ZNF207: variants seen among roughly 807,000 people sequenced by gnomAD.
The protein encoded by ZNF207 is BUB3-interacting and GLEBS motif-containing protein ZNF207.
ZNF207 carries 24 observed loss-of-function variants against 60.2 expected under a neutral mutation model. The observed-to-expected ratio is 0.40, with a 90% CI of 0.29 to 0.56. The LOEUF (loss-of-function observed/expected upper bound fraction) is 0.56, where lower values mean the gene tolerates loss of function less well. Among genes scored for constraint, ZNF207 ranks in the 20% least tolerant of loss-of-function variants. ZNF207 has a pLI of 0.49. For missense variants in ZNF207, 452 were observed against 636.6 expected, an observed-to-expected ratio of 0.71 and a Z score of 3.12; for synonymous variants, 236 against 194.7, an observed-to-expected ratio of 1.21 and a Z score of -1.77.
chr17:32,363,017 G>A (rs1904969017), intron 7 of ZNF207, 33 bp downstream of exon 7: 4 of 1,579,242 alleles, frequency 2.5e-6, no homozygotes, highest in African/African-American at 1.4e-5. Flanking sequence ...TTAATATGAT[G>A]TACAGGCTTT....
Position 32,380,784 on chromosome 17 carries a change from C to T in ZNF207, c.*11025C>T, listed in dbSNP as rs1905850405. On this transcript the variant is annotated 3_prime_UTR_variant, in exon 12 of 12. Transcript: ENST00000394670. The stretch of plus-strand genomic sequence containing the variant: ...CCAGCCTGGCCAACATAGTGAAACC[C>T]CGTCTCTACTAAAAATACAAAAATC... 6.6e-6 allele frequency: 1 copy of T among 152,072 alleles called. No homozygotes were observed. The highest frequency in any genetic ancestry group is 2.1e-4 in the South Asian group (1 of 4,828). 9.4% of individuals were successfully genotyped at this position (152,072 alleles called of 1,614,324 possible). A position where few individuals can be genotyped will look rare whatever the true frequency, so the allele number is the denominator to read the frequency against.
chr17:32,367,897 T>G lies in ZNF207; in HGVS notation c.1047T>G (p.Thr349=). 1.2e-6 allele frequency: 2 copies of G among 1,614,176 alleles called. No individual in the cohort carries two copies. The highest frequency in any genetic ancestry group is 1.7e-6 in the Non-Finnish European group (2 of 1,180,032). The change falls in exon 10 of 12, where the codon ACT becomes ACG. Residue 349 remains threonine (T), a synonymous_variant. Transcript: ENST00000394670. ...ATACACAGTCTACAGCTTCAACAAC[T>G]AGTACAACAAATAGTACTGCAGCTA... is the stretch of plus-strand genomic sequence containing the variant. ...PAYTQSTAST[T]STTNSTAAKP... is the part of the protein sequence containing the mutation.
At chr17:32,351,354 A>C (rs2041503960) in intron 1 of ZNF207, 1 of 818,826 alleles carries the variant, frequency 1.2e-6, no homozygotes, top group Non-Finnish European at 1.6e-6. Context: ...CTTAGATTCT[A>C]AATATTGCTA....
Position 32,372,970 on chromosome 17 carries a change from A to G in ZNF207, c.*3211A>G, listed in dbSNP as rs1228701682. ...TACATCCACCCCTTTTAGAAAAACA[A>G]GAAAACATTTTGTCTGGCACTAGTT... On this transcript the variant is annotated 3_prime_UTR_variant, in exon 12 of 12. Coordinates refer to ENST00000394670, the MANE Select transcript of ZNF207 (RefSeq NM_001098507.2). The G allele has an allele frequency of 1.3e-5, 2 of 153,100 alleles. No individual in the cohort carries two copies. Among genetic ancestry groups the G allele is most frequent in the African/African-American group, 2.4e-5 (1 of 41,510 alleles). 9.5% of individuals were successfully genotyped at this position (153,100 alleles called of 1,614,324 possible). A position where few individuals can be genotyped will look rare whatever the true frequency, so the allele number is the denominator to read the frequency against.
chr17:32,354,639 CG>C (rs1182578141), intron 2 of ZNF207, among the ~76,000 whole-genome samples: 4 of 150,262 alleles, frequency 2.7e-5, no homozygotes, highest in African/African-American at 9.8e-5. Context: ...TTTCTTGAGA[CG>C]GAGTCTCTTT....
chr17:32,367,880 T>C lies in ZNF207; in HGVS notation c.1030T>C (p.Ser344Pro). 6.2e-7 allele frequency: 1 copy of C among 1,614,104 alleles called. No individual in the cohort carries two copies. Among genetic ancestry groups the C allele is most frequent in the South Asian group, 1.1e-5 (1 of 91,086 alleles). Reference sequence around the variant, plus strand: ...GCCTACATTCCCTGCTTATACACAGTCTACAGCTTCAACAACTAGTACAAC... The same window carrying C: ...GCCTACATTCCCTGCTTATACACAGCCTACAGCTTCAACAACTAGTACAAC... The part of the protein sequence containing the change: ...PKPTFPAYTQ[S>P]TASTTSTTNS... Residue 344 changes from serine (S) to proline (P), a missense_variant, in exon 10 of 12, where the codon TCT becomes CCT. Around this residue, in one of 2 missense-constraint regions of ZNF207, gnomAD observed 390 missense variants for 461.4 expected, o/e 0.85. Transcript: ENST00000394670.
chr17:32,360,330 G>A lies in ZNF207; in HGVS notation c.308-268G>A, dbSNP rs1351838926. Among the ~76,000 whole-genome samples the A allele has an allele frequency of 5.9e-5, 9 of 152,112 alleles. No individual in the cohort carries two copies. The East Asian group carries it at 1.2e-3, about 20-fold the overall frequency. ...GTGCCACTGCTGTACAGCCTGCATC[G>A]CAGAGCAAGACTTTACTAAAAATTT... On this transcript the variant is annotated intron_variant, in intron 3 of 11. Transcript: ENST00000394670.
rs536502166 is a variant in ZNF207 at position 32,353,811 on chromosome 17, CAAA to C, written c.168+1922_168+1924del. Reference sequence around the variant, plus strand: ...GCCTGGGTGACAGAGACTCTGTCTCCAAAAAAAAAAAAAAAAAAAAAAAAATTG... The same window carrying C: ...GCCTGGGTGACAGAGACTCTGTCTCCAAAAAAAAAAAAAAAAAAAAAATTG... On this transcript the variant is annotated intron_variant, in intron 2 of 11. Transcript: ENST00000394670. Among the ~76,000 whole-genome samples, 177 of 110,504 alleles carry C rather than the reference CAAA, an allele frequency of 1.6e-3. 1 individual carries two copies. The highest frequency in any genetic ancestry group is 4.5e-3 in the Middle Eastern group (1 of 224). 72.5% of individuals were successfully genotyped at this position (110,504 alleles called of 152,430 possible).
chr17:32,352,371 CAA>C (rs1050158921), intron 2 of ZNF207, among the ~76,000 whole-genome samples: 4 of 150,664 alleles, frequency 2.7e-5, no homozygotes, highest in Admixed American at 6.6e-5. Flanking sequence ...TTAAAAAAAA[CAA>C]AAAATTTGTT....
intron 2 of ZNF207, among the ~76,000 whole-genome samples, chr17:32,355,256 G>A (rs1006574314): frequency 3.3e-5 from 5 of 152,158 alleles, no homozygotes; most frequent in Admixed American, 1.3e-4. Context: ...TGGGCATGGT[G>A]GCACGTGCCT....
intron 9 of ZNF207, among the ~76,000 whole-genome samples, chr17:32,367,282 T>TATATATATGTATATATAA (rs1445385221): frequency 4.8e-5 from 4 of 82,862 alleles, no homozygotes; most frequent in Non-Finnish European, 8.7e-5. Flanking sequence ...TATATATATA[T>TATATATATGTATATATAA]ATAAAGAATA....
rs1159890376 is a variant in ZNF207, at chr17:32,372,516, A to G, written c.*2757A>G. 1 of 152,210 alleles carries G rather than the reference A, an allele frequency of 6.6e-6. No homozygotes were observed. The highest frequency in any genetic ancestry group is 2.4e-5 in the African/African-American group (1 of 41,446). 9.4% of individuals were successfully genotyped at this position (152,210 alleles called of 1,614,324 possible). ...CTCTGTATAGGTCTGATGGGCAAAAATGGAACTTTTAAATATGGGATAGAA... is the reference window on the plus strand; with the variant it reads ...CTCTGTATAGGTCTGATGGGCAAAAGTGGAACTTTTAAATATGGGATAGAA... On this transcript the variant is annotated 3_prime_UTR_variant, in exon 12 of 12. Transcript: ENST00000394670.
At chr17:32,369,200 T>C in intron 10 of ZNF207, 95 bp from the exon 11 acceptor site, 2 of 1,429,644 alleles carry the variant, frequency 1.4e-6, no homozygotes, top group Non-Finnish European at 1.9e-6. Context: ...TTTTTGAAAA[T>C]TACTCTTAAC....
intron 2 of ZNF207, 85 bp from the exon 3 acceptor site, chr17:32,358,418 T>G (rs917994464): frequency 1.5e-6 from 2 of 1,364,864 alleles, no homozygotes. Flanking sequence ...CTATAGAACA[T>G]TTATTCTTTA....
chr17:32,363,790 C>T (rs1426561286), intron 7 of ZNF207, among the ~76,000 whole-genome samples: 5 of 151,960 alleles, frequency 3.3e-5, no homozygotes, highest in African/African-American at 9.7e-5. Context: ...CTTGGCCTCC[C>T]GAAGTGCTGG....
At position 32,372,735 on chromosome 17, in the gene ZNF207, G is replaced by A. The variant is rs961089920; in HGVS notation, c.*2976G>A. ...TTTCTAAATGCTTCTGGGGTCCATAGTGTGGTTGAATTATGAGTGGAGCAA... is the reference window on the plus strand; with the variant it reads ...TTTCTAAATGCTTCTGGGGTCCATAATGTGGTTGAATTATGAGTGGAGCAA... On this transcript the variant is annotated 3_prime_UTR_variant, in exon 12 of 12. Transcript: ENST00000394670. 1 of 152,184 alleles carries A rather than the reference G, an allele frequency of 6.6e-6. No individual in the cohort carries two copies. Among genetic ancestry groups the A allele is most frequent in the Non-Finnish European group, 1.5e-5 (1 of 68,034 alleles). 9.4% of individuals were successfully genotyped at this position (152,184 alleles called of 1,614,324 possible).
At chr17:32,358,366 C>A in intron 2 of ZNF207, 137 bp from the exon 3 acceptor site, 2 of 653,652 alleles carry the variant, frequency 3.1e-6, no homozygotes, top group Non-Finnish European at 4.8e-6. Flanking sequence ...TGTCACAGAG[C>A]TAGTGAATGG....
chr17:32,358,355 A>AT, intron 2 of ZNF207, 148 bp from the exon 3 acceptor site: 1 of 567,734 alleles, frequency 1.8e-6, no homozygotes, highest in Non-Finnish European at 2.9e-6. Flanking sequence ...GACATGCTTA[A>AT]TGTCACAGAG....
In ZNF207 at chr17:32,358,657, A is replaced by G; in HGVS notation, c.307+16A>G. On this transcript the variant is annotated intron_variant, in intron 3 of 11. Transcript: ENST00000394670. ...AAAACACAAGGTAAATATTGGGATA[A>G]GTTTTATTTTATTTATTTATTTTTT... The G allele has an allele frequency of 7.0e-7, 1 of 1,421,910 alleles. No homozygotes were observed. Among genetic ancestry groups the G allele is most frequent in the East Asian group, 2.7e-5 (1 of 37,328 alleles). The allele number at this position is 1,421,910 out of a possible 1,614,324, so 88.1% of individuals were successfully genotyped here.
Sources: gnomAD v4.1 joint callset for allele counts (sites outside exome capture counted in the v4.1 genomes callset) on GRCh38, gnomAD v4.1.1 for gene constraint, gnomAD v4.1.1 regional missense constraint, MANE v1.5 for transcripts, NCBI Gene and HGNC (gene_info 2026-07-23, HGNC 2026-07-21) for gene names.